The following MALRD1 variants were observed in gnomAD, a reference collection of about 807,000 sequenced individuals.
MALRD1 encodes the protein MAM and LDL-receptor class A domain-containing protein 1.
MALRD1 carries 247 observed loss-of-function variants against 242.1 expected under a neutral mutation model. That is an observed-to-expected ratio of 1.02 (90% confidence interval 0.92 to 1.13). The LOEUF is 1.13. Ranked by LOEUF, MALRD1 falls within the 50% of genes most tolerant of loss-of-function variation. The probability of loss-of-function intolerance (pLI) is 0.00; values close to 1 mark genes in which losing one functional copy is unlikely to be tolerated. For synonymous variants in MALRD1, 995 were observed against 866.6 expected (o/e 1.15, Z -2.60); for missense variants, 2,989 against 2,533.1 (o/e 1.18, Z -3.86).
chr10:19,589,553 C>T (rs1837649876), intron 33 of MALRD1, among the ~76,000 whole-genome samples: 1 of 152,160 alleles, frequency 6.6e-6, no homozygotes, highest in African/African-American at 2.4e-5. Flanking sequence ...TCATATAAGT[C>T]TCTTTGTTCT....
At chr10:19,561,661 G>C (rs1461147052) in intron 32 of MALRD1, among the ~76,000 whole-genome samples, 2 of 151,900 alleles carry the variant, frequency 1.3e-5, no homozygotes, top group Non-Finnish European at 2.9e-5. Flanking sequence ...TTAGGTCTCA[G>C]TCTTTTAGCG....
chr10:19,503,699 A>G (rs534822295), intron 31 of MALRD1, among the ~76,000 whole-genome samples: 6 of 152,332 alleles, frequency 3.9e-5, no homozygotes, highest in Non-Finnish European at 5.9e-5. Flanking sequence ...TATCAACTCC[A>G]GTAAGACAAC....
chr10:19,374,414 A>T (rs1335046685), intron 26 of MALRD1, among the ~76,000 whole-genome samples: 7 of 152,234 alleles, frequency 4.6e-5, no homozygotes. Flanking sequence ...GGTTGATATA[A>T]AGCCCAGTAG....
chr10:19,360,236 C>T (rs1844830905), intron 26 of MALRD1, among the ~76,000 whole-genome samples: 1 of 151,994 alleles, frequency 6.6e-6, no homozygotes, highest in South Asian at 2.1e-4. Context: ...ATTCAGTCAG[C>T]ACTTGGACTT....
chr10:19,298,796 A>G (rs1013879862), intron 21 of MALRD1, among the ~76,000 whole-genome samples: 15 of 151,984 alleles, frequency 9.9e-5, no homozygotes, highest in Non-Finnish European at 1.2e-4. Context: ...AACTTTAATC[A>G]GTTCACTCCA....
At chr10:19,393,472 G>T in intron 28 of MALRD1, among the ~76,000 whole-genome samples, 1 of 127,296 alleles carries the variant, frequency 7.9e-6, no homozygotes. Flanking sequence ...TTGAGACCGA[G>T]TCTCGCTCTG....
At chr10:19,322,149 T>G (rs1369983054) in intron 21 of MALRD1, among the ~76,000 whole-genome samples, 1 of 152,102 alleles carries the variant, frequency 6.6e-6, no homozygotes, top group Non-Finnish European at 1.5e-5. Context: ...GATTTACAGG[T>G]TAAATAAATC....
Position 19,387,694 on chromosome 10 carries a change from CA to C in MALRD1, c.4610del (p.Asn1537ThrfsTer6), listed in dbSNP as rs1564295408. On this transcript the variant is annotated frameshift_variant, in exon 27 of 40. Coordinates refer to ENST00000454679, the MANE Select transcript of MALRD1 (RefSeq NM_001142308.3). LOFTEE classifies it high-confidence loss of function. ...WCGWQNSQAD[N>X]FDWVLGVGSH... ...GTGGCTGGCAAAACTCCCAGGCTGA[CA>C]ACTTTGATTGGGTTTTAGGGGTTGG... 7 of 1,550,354 alleles carry C rather than the reference CA, an allele frequency of 4.5e-6. No homozygotes were observed. The highest frequency in any genetic ancestry group is 6.1e-6 in the Non-Finnish European group (7 of 1,146,860).
chr10:19,530,885 T>G (rs1834382092), intron 31 of MALRD1, among the ~76,000 whole-genome samples: 1 of 152,166 alleles, frequency 6.6e-6, no homozygotes, highest in South Asian at 2.1e-4. Context: ...CAAAGTATTT[T>G]ATTGCTGGAA....
In MALRD1 at chr10:19,203,803, G is replaced by A. The variant is rs1287049710; in HGVS notation, c.2027G>A (p.Arg676Gln). 6.4e-6 allele frequency: 10 copies of A among 1,550,514 alleles called. No homozygotes were observed. The highest frequency in any genetic ancestry group is 2.4e-5 in the East Asian group (1 of 40,912). ...AISGDHFDWI[R>Q]SSQSELSADF... Reference sequence around the variant, plus strand: ...AGTGGTGACCATTTTGACTGGATACGGAGCTCTCAGAGTGAACTTTCTGCT... The same window carrying A: ...AGTGGTGACCATTTTGACTGGATACAGAGCTCTCAGAGTGAACTTTCTGCT... Residue 676 changes from arginine (R) to glutamine (Q), a missense_variant, in exon 15 of 40, where the codon CGG becomes CAG. Physicochemically the swap from Arg to Gln is conservative, Grantham distance 43 (BLOSUM62 1). Coordinates refer to ENST00000454679, the MANE Select transcript of MALRD1 (RefSeq NM_001142308.3).
At chr10:19,048,119 C>T (rs1038883007), upstream of MALRD1, among the ~76,000 whole-genome samples, 3 of 152,096 alleles carry the variant, frequency 2.0e-5, no homozygotes, top group East Asian at 1.9e-4. Context: ...AAAAGTAAAT[C>T]GTGATGAATT....
intron 22 of MALRD1, among the ~76,000 whole-genome samples, chr10:19,326,603 G>A (rs1407418905): frequency 6.6e-6 from 1 of 151,542 alleles, no homozygotes; most frequent in Non-Finnish European, 1.5e-5. Flanking sequence ...CCTTGATAAT[G>A]TTCCAAATTA....
chr10:19,455,319 T>C (rs772740882), intron 29 of MALRD1, among the ~76,000 whole-genome samples: 15 of 152,196 alleles, frequency 9.9e-5, no homozygotes, highest in Non-Finnish European at 1.8e-4. Context: ...TTCAGAACGT[T>C]ACTTAAAGTA....
chr10:19,466,661 T>A (rs897306244), intron 29 of MALRD1, among the ~76,000 whole-genome samples: 3 of 152,206 alleles, frequency 2.0e-5, no homozygotes, highest in African/African-American at 7.2e-5. Flanking sequence ...AGCTGTTGAG[T>A]ATTCCTTATT....
chr10:19,266,341 G>A (rs2131833948), intron 19 of MALRD1, among the ~76,000 whole-genome samples: 1 of 151,610 alleles, frequency 6.6e-6, no homozygotes, highest in South Asian at 2.1e-4. Flanking sequence ...TTCTGTAGTG[G>A]TATGCTTTGA....
chr10:19,116,060 C>A (rs1315148476), intron 5 of MALRD1, among the ~76,000 whole-genome samples: 1 of 152,064 alleles, frequency 6.6e-6, no homozygotes, highest in Non-Finnish European at 1.5e-5. Context: ...TCTGCCCCTT[C>A]CAAGATATGA....
chr10:19,434,159 T>G (rs1834257740), intron 28 of MALRD1, among the ~76,000 whole-genome samples: 1 of 152,172 alleles, frequency 6.6e-6, no homozygotes, highest in Non-Finnish European at 1.5e-5. Context: ...AAGAAAAATG[T>G]CAGTAAATAA....
chr10:19,448,626 T>C (rs1196899600), intron 28 of MALRD1, among the ~76,000 whole-genome samples: 5 of 152,162 alleles, frequency 3.3e-5, no homozygotes, highest in Non-Finnish European at 7.4e-5. Context: ...TGTCATTTTA[T>C]GTCATGTTAC....
intron 11 of MALRD1, among the ~76,000 whole-genome samples, chr10:19,148,327 C>G (rs916343906): frequency 6.6e-6 from 1 of 151,334 alleles, no homozygotes; most frequent in Non-Finnish European, 1.5e-5. Context: ...TGACACTGCA[C>G]CCATGTCTAA....
Sources: gnomAD v4.1 joint callset for allele counts (sites outside exome capture counted in the v4.1 genomes callset) on GRCh38, gnomAD v4.1.1 for gene constraint, MANE v1.5 for transcripts, NCBI Gene and HGNC (gene_info 2026-07-23, HGNC 2026-07-21) for gene names.